The following PDCD2L variants were observed in gnomAD, a reference collection of about 807,000 sequenced individuals.
PDCD2L encodes the protein uS5 assembly chaperone PDCD2L.
Under a neutral mutation model 40.4 loss-of-function variants are expected in PDCD2L, and 44 were observed. The observed-to-expected ratio is 1.09, with a 90% confidence interval of 0.86 to 1.40. The LOEUF (loss-of-function observed/expected upper bound fraction) is 1.40. PDCD2L is among the 40% of genes most tolerant of loss of function. PDCD2L has a pLI of 0.00. For synonymous variants in PDCD2L, 194 were observed against 174.6 expected (o/e 1.11, Z -0.88); for missense variants, 470 against 453.7 (o/e 1.04, Z -0.33).
Position 34,404,459 on chromosome 19 carries a change from T to C in PDCD2L, c.29T>C (p.Leu10Pro). The change falls in exon 1 of 7, where the codon CTG (leucine) becomes CCG (proline). Residue 10 changes from leucine to proline, a missense_variant. Physicochemically the swap from Leu to Pro is moderately conservative, Grantham distance 98. Coordinates refer to ENST00000246535, the MANE Select transcript of PDCD2L (RefSeq NM_032346.2). The part of the protein sequence containing the change: MAAVLKPVL[L>P]GLRDAPVHGS... ...GCGGCCGTTCTGAAGCCGGTGCTGCTGGGCCTTCGAGATGCGCCGGTGCAC... is the reference window on the plus strand; with the variant it reads ...GCGGCCGTTCTGAAGCCGGTGCTGCCGGGCCTTCGAGATGCGCCGGTGCAC... The C allele has an allele frequency of 6.5e-7, 1 of 1,545,050 alleles. No individual in the cohort carries two copies. Among genetic ancestry groups the C allele is most frequent in the Non-Finnish European group, 8.7e-7 (1 of 1,146,238 alleles).
chr19:34,418,165 T>C (rs1387443561), intron 5 of PDCD2L, among the ~76,000 whole-genome samples: 1 of 152,224 alleles, frequency 6.6e-6, no homozygotes, highest in Non-Finnish European at 1.5e-5. Context: ...TGCGTATATT[T>C]TTACAGTGTG....
At position 34,413,859 on chromosome 19, in the gene PDCD2L, C is replaced by G. The variant is rs763802046; in HGVS notation, c.797+12C>G. On this transcript the variant is annotated intron_variant, in intron 5 of 6. Transcript: ENST00000246535. ...GAGCAGATTTTGAGGTAAAAAAAGG[C>G]ACAGTTCCTTTTATTGTTTTCCTTG... 6.9e-7 allele frequency: 1 copy of G among 1,442,100 alleles called. No individual in the cohort carries two copies. The highest frequency in any genetic ancestry group is 1.2e-5 in the South Asian group (1 of 83,992). The allele number at this position is 1,442,100 out of a possible 1,614,324, so 89.3% of individuals were successfully genotyped here.
chr19:34,407,814 A>G (rs2075083897), intron 3 of PDCD2L, among the ~76,000 whole-genome samples: 1 of 152,250 alleles, frequency 6.6e-6, no homozygotes, highest in South Asian at 2.1e-4. Context: ...ACATTTCATA[A>G]GATGAAATCT....
At position 34,421,065 on chromosome 19, in the gene PDCD2L, G is replaced by A. The variant is rs764458487; in HGVS notation, c.798-454G>A. 4.9e-4 allele frequency among the ~76,000 whole-genome samples: 74 copies of A among 152,292 alleles called. 1 individual carries two copies. The highest frequency in any genetic ancestry group is 3.4e-3 in the Middle Eastern group (1 of 294). ...GAGAATCTAATGCTGCTGATACGAC[G>A]GGAGGTGGAGATCAGGTGGTAATGC... is the stretch of plus-strand genomic sequence containing the variant. On this transcript the variant is annotated intron_variant, in intron 5 of 6. Coordinates refer to ENST00000246535, the MANE Select transcript of PDCD2L (RefSeq NM_032346.2).
intron 3 of PDCD2L, 26 bp downstream of exon 3, chr19:34,405,016 T>G: frequency 6.2e-7 from 1 of 1,613,074 alleles, no homozygotes; most frequent in Non-Finnish European, 8.5e-7. Flanking sequence ...GGCATGTTAT[T>G]GTTTTTCTGT....
rs1444296991 is a variant in PDCD2L, at chr19:34,404,628, GC to G, written c.109-20del. The stretch of plus-strand genomic sequence containing the variant: ...GGTCCTGGGGGGAGTCGGGGTCTGA[GC>G]GCCTCCTCTGTCCCCTCAGGATGCT... On this transcript the variant is annotated intron_variant, in intron 1 of 6. Transcript: ENST00000246535. The G allele has an allele frequency of 6.2e-7, 1 of 1,605,742 alleles. No homozygotes were observed. Among genetic ancestry groups the G allele is most frequent in the African/African-American group, 1.3e-5 (1 of 74,826 alleles).
chr19:34,414,484 T>TC (rs2075118454), intron 5 of PDCD2L, among the ~76,000 whole-genome samples: 1 of 139,938 alleles, frequency 7.1e-6, no homozygotes, highest in East Asian at 2.0e-4. Flanking sequence ...CTTTTTTTTT[T>TC]TTTTTTTTTT....
chr19:34,421,820 T>C (rs1365448484), intron 6 of PDCD2L, among the ~76,000 whole-genome samples, 153 bp downstream of exon 6: 8 of 152,094 alleles, frequency 5.3e-5, no homozygotes, highest in African/African-American at 9.7e-5. Context: ...CCAGGTGTGG[T>C]GGCTCATGCC....
At chr19:34,408,054 C>T (rs1221605219) in intron 3 of PDCD2L, among the ~76,000 whole-genome samples, 6 of 151,910 alleles carry the variant, frequency 3.9e-5, no homozygotes, top group Middle Eastern at 6.8e-3. Flanking sequence ...ATTACAGGCA[C>T]GTGCCACCAT....
chr19:34,405,027 C>T (rs374771593), intron 3 of PDCD2L, 37 bp downstream of exon 3: 4 of 1,608,652 alleles, frequency 2.5e-6, no homozygotes, highest in Admixed American at 1.7e-5. Context: ...GTTTTTCTGT[C>T]ATTTGAGGAT....
chr19:34,421,909 G>A, intron 6 of PDCD2L: 1 of 321,798 alleles, frequency 3.1e-6, no homozygotes, highest in Non-Finnish European at 5.8e-6. Context: ...CCAATGTGGT[G>A]AAACCCTGTC....
chr19:34,417,331 C>A (rs1488498551), intron 5 of PDCD2L, among the ~76,000 whole-genome samples: 1 of 151,804 alleles, frequency 6.6e-6, no homozygotes, highest in Non-Finnish European at 1.5e-5. Context: ...GAACACTGGC[C>A]GGGTGTGGTG....
chr19:34,411,521 A>G (rs918373585), intron 4 of PDCD2L, among the ~76,000 whole-genome samples: 8 of 152,076 alleles, frequency 5.3e-5, no homozygotes, highest in Admixed American at 1.3e-4. Context: ...CCGGGATTAC[A>G]GGTATTAGCC....
At chr19:34,420,790 TAA>T (rs36111473) in intron 5 of PDCD2L, among the ~76,000 whole-genome samples, 2,268 of 142,644 alleles carry the variant, frequency 0.016, 24 homozygotes, top group South Asian at 0.026. Context: ...AGGCTTTATC[TAA>T]AAAAAAAAAA....
At chr19:34,406,016 A>G (rs542873353) in intron 3 of PDCD2L, among the ~76,000 whole-genome samples, 1 of 152,134 alleles carries the variant, frequency 6.6e-6, no homozygotes, top group African/African-American at 2.4e-5. Context: ...TGGCCACGCA[A>G]CTGTAGTGCC....
intron 3 of PDCD2L, among the ~76,000 whole-genome samples, chr19:34,408,299 T>C (rs1362064113): frequency 6.6e-6 from 1 of 152,040 alleles, no homozygotes; most frequent in East Asian, 1.9e-4. Flanking sequence ...TTTGTCAGGG[T>C]TCAGGTGCAG....
At position 34,404,685 on chromosome 19, in the gene PDCD2L, T is replaced by C; in HGVS notation, c.145T>C (p.Cys49Arg). The C allele has an allele frequency of 6.2e-7, 1 of 1,612,168 alleles. No individual in the cohort carries two copies. The highest frequency in any genetic ancestry group is 8.5e-7 in the Non-Finnish European group (1 of 1,179,802). ...LPTVAAPRPV[C>R]QRCGQPLALV... ...CACCGTGGCTGCGCCCAGGCCCGTG[T>C]GTCAGCGCTGCGGGCAGCCGCTCGC... Residue 49 changes from cysteine to arginine, a missense_variant, in exon 2 of 7, where the codon TGT (cysteine) becomes CGT (arginine). Coordinates refer to ENST00000246535, the MANE Select transcript of PDCD2L (RefSeq NM_032346.2).
intron 6 of PDCD2L, among the ~76,000 whole-genome samples, chr19:34,425,046 C>G (rs902704423): frequency 6.6e-6 from 1 of 152,112 alleles, no homozygotes; most frequent in Non-Finnish European, 1.5e-5. Context: ...GTGCTGTGCC[C>G]AGCCAATGCA....
chr19:34,409,560 C>A, intron 4 of PDCD2L, 50 bp downstream of exon 4: 1 of 1,509,562 alleles, frequency 6.6e-7, no homozygotes, highest in Non-Finnish European at 9.1e-7. Context: ...TGGGAAGCAG[C>A]CACAAGAGTT....
Sources: allele counts gnomAD v4.1 joint callset (sites outside exome capture counted in the v4.1 genomes callset), GRCh38; gene constraint gnomAD v4.1.1; transcripts MANE v1.5; gene names NCBI Gene and HGNC (gene_info 2026-07-23, HGNC 2026-07-21).